The following CFAP144 variants were observed in gnomAD, a reference collection of about 807,000 sequenced individuals.
CFAP144 encodes cilia and flagella associated protein 144, also known as cilia- and flagella-associated protein 144.
the CFAP144 span, chr1:43,152,714 C>T: frequency 8.2e-7 from 1 of 1,216,362 alleles, no homozygotes; most frequent in Non-Finnish European, 1.1e-6. Context: ...TGAGGCAAAC[C>T]TCCAAGGCAC....
chr1:43,152,596 C>T, the CFAP144 span, among the ~76,000 whole-genome samples: 1 of 152,230 alleles, frequency 6.6e-6, no homozygotes, highest in African/African-American at 2.4e-5. Context: ...CATGCTGTCA[C>T]TCAGCACTCT....
chr1:43,148,326 T>G, the CFAP144 span, among the ~76,000 whole-genome samples: 1 of 152,218 alleles, frequency 6.6e-6, no homozygotes, highest in African/African-American at 2.4e-5. Flanking sequence ...AAAAAAGTTG[T>G]AGGGCTTTTT....
At chr1:43,150,944 T>C in the CFAP144 span, 1 of 764,438 alleles carries the variant, frequency 1.3e-6, no homozygotes, top group Non-Finnish European at 2.2e-6. Context: ...ATCCTGGAAA[T>C]GGGACTCATA....
At chr1:43,148,741 C>T in the CFAP144 span, among the ~76,000 whole-genome samples, 1 of 152,302 alleles carries the variant, frequency 6.6e-6, no homozygotes, top group African/African-American at 2.4e-5. Context: ...CCGGATGATT[C>T]ACTCTCATGA....
chr1:43,148,310 A>T, the CFAP144 span, among the ~76,000 whole-genome samples: 2 of 152,188 alleles, frequency 1.3e-5, no homozygotes, highest in African/African-American at 4.8e-5. Flanking sequence ...TTTTCGTTGT[A>T]GAAAAAAAAA....
At chr1:43,150,694 G>A in the CFAP144 span, 1 of 1,389,700 alleles carries the variant, frequency 7.2e-7, no homozygotes. Context: ...GTTTAAGGTG[G>A]ACCTTAGAGA....
At chr1:43,154,488 T>C in the CFAP144 span, among the ~76,000 whole-genome samples, 176 of 150,970 alleles carry the variant, frequency 1.2e-3, 2 homozygotes, top group African/African-American at 4.1e-3. Context: ...GAGACAGGTA[T>C]GGTTAGAGAG....
At chr1:43,154,326 A>G in the CFAP144 span, among the ~76,000 whole-genome samples, 3 of 146,526 alleles carry the variant, frequency 2.0e-5, no homozygotes, top group Non-Finnish European at 4.5e-5. Context: ...AAAATTATTT[A>G]TATATATCCC....
the CFAP144 span, among the ~76,000 whole-genome samples, chr1:43,151,446 T>A: frequency 6.6e-6 from 1 of 152,168 alleles, no homozygotes; most frequent in African/African-American, 2.4e-5. Flanking sequence ...CCATGACTGA[T>A]GTGAGAACAG....
At chr1:43,147,690 A>C in the CFAP144 span, 1 of 842,418 alleles carries the variant, frequency 1.2e-6, no homozygotes. Flanking sequence ...TCTAGTAACC[A>C]GCCGGGCCTG....
At chr1:43,147,826 C>A in the CFAP144 span, 1 of 1,515,776 alleles carries the variant, frequency 6.6e-7, no homozygotes. Flanking sequence ...CCCGCCCCGA[C>A]CGGGCAGCAC....
the CFAP144 span, among the ~76,000 whole-genome samples, chr1:43,145,765 T>C: frequency 2.8e-4 from 42 of 152,312 alleles, no homozygotes; most frequent in African/African-American, 9.9e-4. Flanking sequence ...TATATGGACA[T>C]ACAAAGGGCC....
chr1:43,156,159 C>T, the CFAP144 span: 4 of 1,556,662 alleles, frequency 2.6e-6, no homozygotes, highest in African/African-American at 5.4e-5. Context: ...CCCAGGTCCT[C>T]CTGCATCCTC....
chr1:43,154,060 GTGTATA>G, the CFAP144 span, among the ~76,000 whole-genome samples: 28 of 71,760 alleles, frequency 3.9e-4, no homozygotes, highest in African/African-American at 1.2e-3. Flanking sequence ...ATATATGTGT[GTGTATA>G]TATATATATA....
At chr1:43,153,019 G>A in the CFAP144 span, 118 of 1,496,396 alleles carry the variant, frequency 7.9e-5, 1 homozygote, top group South Asian at 1.5e-3. Context: ...GGCCAGACAT[G>A]CCTGGGCTTG....
At chr1:43,144,650 C>T in the CFAP144 span, among the ~76,000 whole-genome samples, 1 of 152,140 alleles carries the variant, frequency 6.6e-6, no homozygotes, top group Non-Finnish European at 1.5e-5. Context: ...CGAATAATGT[C>T]AGCCCCGCCC....
chr1:43,154,020 CT>C, the CFAP144 span, among the ~76,000 whole-genome samples: 6 of 138,260 alleles, frequency 4.3e-5, no homozygotes, highest in Non-Finnish European at 7.8e-5. Context: ...TTTTCTCTAA[CT>C]TTTTTTTCTT....
the CFAP144 span, chr1:43,147,808 G>A: frequency 6.7e-7 from 1 of 1,501,646 alleles, no homozygotes; most frequent in Non-Finnish European, 8.8e-7. Flanking sequence ...GGGGCTGGCA[G>A]AGTGAGACCC....
the CFAP144 span, chr1:43,150,781 C>G: frequency 6.2e-7 from 1 of 1,610,268 alleles, no homozygotes; most frequent in South Asian, 1.1e-5. Flanking sequence ...CACCAGGAAG[C>G]CCATGTCTTG....
Sources: gnomAD v4.1 joint callset for allele counts (sites outside exome capture counted in the v4.1 genomes callset) on GRCh38, gnomAD v4.1.1 for gene constraint, MANE v1.5 for transcripts, NCBI Gene and HGNC (gene_info 2026-07-23, HGNC 2026-07-21) for gene names.